MYO7B: variants seen among roughly 807,000 people sequenced by gnomAD.
The protein encoded by MYO7B is unconventional myosin-VIIb.
MYO7B carries 212 observed loss-of-function variants against 259.7 expected under a neutral mutation model. The ratio of observed to expected loss-of-function variants is 0.82; its 90% CI spans 0.73 to 0.91. The LOEUF (loss-of-function observed/expected upper bound fraction) is 0.91. Ranked by LOEUF, MYO7B falls within the 40% of genes least tolerant of loss-of-function variation. The pLI is 0.00. For missense variants in MYO7B, 2,732 were observed against 2,813.5 expected (o/e 0.97, Z 0.66); for synonymous variants, 1,197 against 1,166.4 (o/e 1.03, Z -0.54).
In MYO7B at chr2:127,632,402, G is replaced by C; in HGVS notation, c.5405+1G>C. 6.5e-7 allele frequency: 1 copy of C among 1,541,954 alleles called. No homozygotes were observed. Among genetic ancestry groups the C allele is most frequent in the Non-Finnish European group, 8.7e-7 (1 of 1,143,830 alleles). Reference sequence around the variant, plus strand: ...GCCGCCGAATCCAGAAGGTCCTGAGGTGAGCCCAGTGCCTCCAGCCCCCAG... The same window carrying C: ...GCCGCCGAATCCAGAAGGTCCTGAGCTGAGCCCAGTGCCTCCAGCCCCCAG... On this transcript the variant is annotated splice_donor_variant, in intron 39 of 47. Coordinates refer to ENST00000409816, the MANE Select transcript of MYO7B (RefSeq NM_001393586.1). LOFTEE classifies it high-confidence loss of function.
chr2:127,628,324 CAG>C lies in MYO7B; in HGVS notation c.4461-47_4461-46del. On this transcript the variant is annotated intron_variant, in intron 33 of 47. Coordinates refer to ENST00000409816, the MANE Select transcript of MYO7B (RefSeq NM_001393586.1). The surrounding 1 kb of genome is among the most constrained non-coding windows in gnomAD (Gnocchi z 4.8). ...TCCCGAGGCTGTTTAGGGGCTGGATCAGGGGAAGGTGGAGGGGGCTCCTGGTC... is the reference window on the plus strand; with the variant it reads ...TCCCGAGGCTGTTTAGGGGCTGGATCGGGAAGGTGGAGGGGGCTCCTGGTC... The C allele has an allele frequency of 6.4e-7, 1 of 1,561,766 alleles. No individual in the cohort carries two copies. The highest frequency in any genetic ancestry group is 2.3e-5 in the East Asian group (1 of 43,036).
At chr2:127,592,654 G>A in intron 16 of MYO7B, 140 bp from the exon 17 acceptor site, 1 of 1,073,652 alleles carries the variant, frequency 9.3e-7, no homozygotes, top group Admixed American at 2.3e-5. Context: ...CATCTCTGGA[G>A]GACAGTGGGG....
In MYO7B at chr2:127,623,284, C is replaced by T. The variant is rs767956213; in HGVS notation, c.3728C>T (p.Ser1243Phe). 6.2e-7 allele frequency: 1 copy of T among 1,613,500 alleles called. No individual in the cohort carries two copies. Among genetic ancestry groups the T allele is most frequent in the Non-Finnish European group, 8.5e-7 (1 of 1,179,746 alleles). The part of the protein sequence containing the change: ...ESLTVPVDSA[S>F]TSREMCMHIA... ...CTAACCGTCCCCGTGGACTCAGCCTCCACATCTCGGGAAATGTGCATGCAC... is the reference window on the plus strand; with the variant it reads ...CTAACCGTCCCCGTGGACTCAGCCTTCACATCTCGGGAAATGTGCATGCAC... Residue 1243 changes from serine to phenylalanine, a missense_variant, in exon 29 of 48, where the codon TCC becomes TTC. Physicochemically the swap from Ser to Phe is radical, Grantham distance 155. Transcript: ENST00000409816.
At position 127,585,587 on chromosome 2, in the gene MYO7B, A is replaced by G. The variant is rs554427334; in HGVS notation, c.1690+674A>G. 6.6e-6 allele frequency among the ~76,000 whole-genome samples: 1 copy of G among 152,338 alleles called. No individual in the cohort carries two copies. Among genetic ancestry groups the G allele is most frequent in the East Asian group, 1.9e-4 (1 of 5,194 alleles). ...GCATATGTTTTCATTTCCCCTGGGT[A>G]TCTACCTAGCAGCAGAATTGCTGTG... On this transcript the variant is annotated intron_variant, in intron 14 of 47. Coordinates refer to ENST00000409816, the MANE Select transcript of MYO7B (RefSeq NM_001393586.1). This position sits in a 1 kb window ranked among gnomAD's most constrained non-coding sequence, Gnocchi z 4.3.
intron 3 of MYO7B, 69 bp downstream of exon 3, chr2:127,564,335 C>T (rs1015086880): frequency 6.4e-6 from 8 of 1,252,552 alleles, no homozygotes; most frequent in Non-Finnish European, 8.9e-6. Flanking sequence ...GCCCTCCCCG[C>T]CCTGTGGAGC....
In MYO7B at chr2:127,636,607, G is replaced by C. The variant is rs369853684; in HGVS notation, c.6186G>C (p.Leu2062=). ...ILIAINRHGV[L]LIHPKTKDLL... ...TCGCCATCAACCGACATGGGGTTCT[G>C]CTCATCCACCCCAAGACCAAGGTAG... The change falls in exon 46 of 48, where the codon CTG becomes CTC. Residue 2062 remains leucine (L), a synonymous_variant. Transcript: ENST00000409816. The surrounding 1 kb of genome is among the most constrained non-coding windows in gnomAD (Gnocchi z 4.5). 2.5e-5 allele frequency: 41 copies of C among 1,612,496 alleles called. No homozygotes were observed. The African/African-American group carries it at 5.5e-4, about 22-fold the overall frequency.
intron 26 of MYO7B, among the ~76,000 whole-genome samples, chr2:127,618,068 T>C (rs1680653297): frequency 6.6e-6 from 1 of 152,174 alleles, no homozygotes; most frequent in Admixed American, 6.5e-5. Flanking sequence ...TATTTCTATT[T>C]ATCCCTACTT....
chr2:127,543,473 A>G lies in MYO7B; in HGVS notation c.-24+7642A>G, dbSNP rs182674453. Among the ~76,000 whole-genome samples, 206 of 152,298 alleles carry G rather than the reference A, an allele frequency of 1.4e-3. 3 individuals carry two copies. In the South Asian group the frequency reaches 0.016, roughly 12 times the overall value. On this transcript the variant is annotated intron_variant, in intron 1 of 47. Coordinates refer to ENST00000409816, the MANE Select transcript of MYO7B (RefSeq NM_001393586.1). ...GTAGAAGAATTTTTCTTAGTACAGAACAAAATGGAGTCTCTTATGTCTACT... is the reference window on the plus strand; with the variant it reads ...GTAGAAGAATTTTTCTTAGTACAGAGCAAAATGGAGTCTCTTATGTCTACT...
In MYO7B at chr2:127,634,781, T is replaced by G. The variant is rs572604534; in HGVS notation, c.5713+98T>G. 8.6e-6 allele frequency: 10 copies of G among 1,168,270 alleles called. No homozygotes were observed. In the South Asian group the frequency reaches 1.2e-4, roughly 14 times the overall value. 72.4% of individuals were successfully genotyped at this position (1,168,270 alleles called of 1,614,324 possible). Reference sequence around the variant, plus strand: ...GGCCCATGCCCATTCATCCATCCATTCGTTCCCGTGTGTCCCTGGGTTGTG... The same window carrying G: ...GGCCCATGCCCATTCATCCATCCATGCGTTCCCGTGTGTCCCTGGGTTGTG... On this transcript the variant is annotated intron_variant, in intron 42 of 47. Coordinates refer to ENST00000409816, the MANE Select transcript of MYO7B (RefSeq NM_001393586.1).
Position 127,636,889 on chromosome 2 carries a change from C to G in MYO7B, c.6303C>G (p.Ser2101Arg), listed in dbSNP as rs199519707. The G allele has an allele frequency of 3.4e-4, 552 of 1,613,282 alleles. 3 individuals are homozygous for G. In the Admixed American group the frequency reaches 8.0e-3, roughly 24 times the overall value. The change falls in exon 47 of 48, where the codon AGC becomes AGG. Residue 2101 changes from serine to arginine, a missense_variant. Physicochemically the swap from Ser to Arg is moderately radical, Grantham distance 110. This residue lies in a region of MYO7B where 821 missense variants were observed against 769.3 expected (regional missense o/e 1.07). Coordinates refer to ENST00000409816, the MANE Select transcript of MYO7B (RefSeq NM_001393586.1). This position sits in a 1 kb window ranked among gnomAD's most constrained non-coding sequence, Gnocchi z 4.5. Reference protein sequence around the residue: ...HMALGSLGRGSRLLCETSLGY... With the variant: ...HMALGSLGRGRRLLCETSLGY... ...CGCTGGGGAGCCTGGGCCGTGGCAG[C>G]CGCCTGCTGTGCGAGACCTCCCTGG...
intron 1 of MYO7B, among the ~76,000 whole-genome samples, chr2:127,553,534 G>C (rs1693531722): frequency 6.6e-6 from 1 of 152,194 alleles, no homozygotes; most frequent in South Asian, 2.1e-4. Flanking sequence ...AAAAGAAGTT[G>C]AGTTCTTGAT....
intron 19 of MYO7B, among the ~76,000 whole-genome samples, chr2:127,604,865 A>G (rs1317241950): frequency 6.6e-6 from 1 of 152,188 alleles, no homozygotes; most frequent in African/African-American, 2.4e-5. Context: ...AAACAATTCC[A>G]ATTGTAACAC....
At chr2:127,572,291 C>T (rs1283124017) in intron 6 of MYO7B, among the ~76,000 whole-genome samples, 1 of 151,990 alleles carries the variant, frequency 6.6e-6, no homozygotes, top group African/African-American at 2.4e-5. Context: ...TGGTGGCATG[C>T]GCCTATAATC....
At chr2:127,635,699 T>C (rs571126717) in intron 43 of MYO7B, 23 bp from the exon 44 acceptor site, 1 of 1,585,766 alleles carries the variant, frequency 6.3e-7, no homozygotes, top group African/African-American at 1.3e-5. Context: ...AGACCCAGCA[T>C]GCCCAGTGTG....
In MYO7B at chr2:127,582,945, A is replaced by G. The variant is rs529218845; in HGVS notation, c.1343+499A>G. Among the ~76,000 whole-genome samples, 6 of 152,366 alleles carry G rather than the reference A, an allele frequency of 3.9e-5. No individual in the cohort carries two copies. In the East Asian group the frequency reaches 7.7e-4, roughly 20 times the overall value. ...GTAACCAGGAGGCAGGTCAGAAAAT[A>G]GCTGCAAGCTATGACTGTGATGAAG... On this transcript the variant is annotated intron_variant, in intron 12 of 47. Transcript: ENST00000409816.
At chr2:127,536,084 A>G (rs1273964778) in intron 1 of MYO7B, among the ~76,000 whole-genome samples, 1 of 152,088 alleles carries the variant, frequency 6.6e-6, no homozygotes, top group African/African-American at 2.4e-5. Flanking sequence ...TCTGCTGTAG[A>G]AGGGCAAACT....
chr2:127,589,579 G>GT (rs1679464809), intron 15 of MYO7B, among the ~76,000 whole-genome samples: 1 of 145,370 alleles, frequency 6.9e-6, no homozygotes, highest in Admixed American at 6.9e-5. Context: ...TGGTGAGTAG[G>GT]TGGATGGATG....
Position 127,613,033 on chromosome 2 carries a change from C to T in MYO7B, c.3398+430C>T, listed in dbSNP as rs973922019. 3.9e-5 allele frequency among the ~76,000 whole-genome samples: 6 copies of T among 152,210 alleles called. No homozygotes were observed. The highest frequency in any genetic ancestry group is 1.9e-4 in the East Asian group (1 of 5,204). ...TGGCTGAATGCGTAGAAGCAGAATC[C>T]GAACATGCAGAGACTGATTGTTCAC... On this transcript the variant is annotated intron_variant, in intron 26 of 47. Transcript: ENST00000409816. The surrounding 1 kb of genome is among the most constrained non-coding windows in gnomAD (Gnocchi z 4.3).
intron 6 of MYO7B, among the ~76,000 whole-genome samples, chr2:127,570,176 A>T (rs1254745422): frequency 1.3e-5 from 2 of 152,028 alleles, no homozygotes; most frequent in Non-Finnish European, 2.9e-5. Flanking sequence ...GGCATCCAAG[A>T]TCAAATCAAT....
Sources: allele counts gnomAD v4.1 joint callset (sites outside exome capture counted in the v4.1 genomes callset), GRCh38; gene constraint gnomAD v4.1.1; regional missense constraint gnomAD v4.1.1; non-coding constraint Gnocchi (gnomAD v3.1); transcripts MANE v1.5; gene names NCBI Gene and HGNC (gene_info 2026-07-23, HGNC 2026-07-21).